Variants in PFKFB1 observed in about 807,000 individuals in gnomAD.
The protein encoded by PFKFB1 is 6-phosphofructo-2-kinase/fructose-2,6-bisphosphatase 1.
In PFKFB1, 34 loss-of-function variants were observed where a neutral mutation model predicts 46.4. The observed-to-expected ratio is 0.73, with a 90% CI of 0.56 to 0.98. The LOEUF (loss-of-function observed/expected upper bound fraction) is 0.98. Among genes scored for constraint, PFKFB1 ranks in the 50% least tolerant of loss-of-function variants. The probability of loss-of-function intolerance (pLI) is 0.00; values close to 1 mark genes in which losing one functional copy is unlikely to be tolerated. For missense variants in PFKFB1, 393 were observed against 376.3 expected, an observed-to-expected ratio of 1.04 and a Z score of -0.37; for synonymous variants, 119 against 133.8, an observed-to-expected ratio of 0.89 and a Z score of 0.76.
At chrX:54,939,432 CA>C (rs1933533050) in intron 10 of PFKFB1, among the ~76,000 whole-genome samples, 1 of 111,319 alleles carries the variant, frequency 9.0e-6, no homozygotes, top group Non-Finnish European at 1.9e-5. Flanking sequence ...AAAAACCCTT[CA>C]AAAAATCAAT....
intron 1 of PFKFB1, among the ~76,000 whole-genome samples, chrX:54,969,326 G>A (rs1934572101): frequency 9.0e-6 from 1 of 111,280 alleles, no homozygotes; most frequent in Admixed American, 9.6e-5. Context: ...GATAAGTTTG[G>A]CCCCCACACT....
At chrX:54,946,033 G>T (rs1413198565) in intron 9 of PFKFB1, among the ~76,000 whole-genome samples, 1 of 110,229 alleles carries the variant, frequency 9.1e-6, no homozygotes, top group African/African-American at 3.3e-5. Context: ...GTATGTGTGT[G>T]TATAGGGTGT....
intron 1 of PFKFB1, among the ~76,000 whole-genome samples, chrX:54,983,821 C>T (rs1422631743): frequency 1.8e-5 from 2 of 111,584 alleles, no homozygotes; most frequent in African/African-American, 6.5e-5. Flanking sequence ...GCAATCTCAC[C>T]AGTATCTGTT....
At chrX:54,970,615 C>T (rs867676198) in intron 1 of PFKFB1, among the ~76,000 whole-genome samples, 904 of 57,669 alleles carry the variant, frequency 0.016, 14 homozygotes, top group Non-Finnish European at 0.023. Context: ...AGATAGTTTA[C>T]TGAGAATGAT....
At position 54,949,169 on chromosome X, in the gene PFKFB1, T is replaced by G; in HGVS notation, c.899A>C (p.Lys300Thr). Residue 300 changes from lysine to threonine, a missense_variant, in exon 9 of 14, where the codon AAG becomes ACG. Coordinates refer to ENST00000375006, the MANE Select transcript of PFKFB1 (RefSeq NM_002625.4). ...FIQSQGISSL[K>T]VWTSHMKRTI... ...CCTCTTCATGTGACTGGTCCACACCTTCAGGGAGCTGATGCCCTGGGACTG... is the reference window on the plus strand; with the variant it reads ...CCTCTTCATGTGACTGGTCCACACCGTCAGGGAGCTGATGCCCTGGGACTG... 2 of 1,209,830 alleles carry G rather than the reference T, an allele frequency of 1.7e-6. No homozygotes were observed.
chrX:54,976,924 T>C (rs764014750), intron 1 of PFKFB1, among the ~76,000 whole-genome samples: 1 of 111,065 alleles, frequency 9.0e-6, no homozygotes, highest in Admixed American at 9.6e-5. Flanking sequence ...TATGACATCC[T>C]GGACAAGGCA....
chrX:54,933,476 G>A lies in PFKFB1; in HGVS notation c.1357-14C>T, dbSNP rs760130486. On this transcript the variant is annotated splice_polypyrimidine_tract_variant and intron_variant, in intron 13 of 13. Transcript: ENST00000375006. ...GATGTCCACATTCTGAGGAGAGAGC[G>A]CAGGATTAATAGGAAGGAGACAGCA... 77 of 1,187,541 alleles carry A rather than the reference G, an allele frequency of 6.5e-5. No individual in the cohort carries two copies. The Admixed American group carries it at 8.8e-4, about 14-fold the overall frequency.
chrX:54,964,282 C>G (rs754278092), intron 1 of PFKFB1, among the ~76,000 whole-genome samples: 1 of 111,197 alleles, frequency 9.0e-6, no homozygotes, highest in African/African-American at 3.3e-5. Context: ...GAGACTTAAT[C>G]AGCATAGCAT....
chrX:54,946,816 T>C lies in PFKFB1; in HGVS notation c.994-1273A>G, dbSNP rs141346798. Among the ~76,000 whole-genome samples the C allele has an allele frequency of 4.9e-3, 550 of 112,439 alleles. 4 individuals carry two copies. The highest frequency in any genetic ancestry group is 0.016 in the African/African-American group (498 of 30,955). On this transcript the variant is annotated intron_variant, in intron 9 of 13. Coordinates refer to ENST00000375006, the MANE Select transcript of PFKFB1 (RefSeq NM_002625.4). The stretch of plus-strand genomic sequence containing the variant: ...AGAAGTGTTTTGAATATTGGGAAAA[T>C]GTAAGTAAAACATACTAGTACAGAA...
intron 1 of PFKFB1, among the ~76,000 whole-genome samples, chrX:54,970,620 AATG>A (rs1184557555): frequency 1.8e-5 from 1 of 54,944 alleles, no homozygotes; most frequent in African/African-American, 7.3e-5. Flanking sequence ...GTTTACTGAG[AATG>A]ATGATTTCCA....
chrX:54,942,173 C>G (rs1349012514), intron 10 of PFKFB1, among the ~76,000 whole-genome samples: 1 of 110,986 alleles, frequency 9.0e-6, no homozygotes, highest in African/African-American at 3.3e-5. Flanking sequence ...TATTCTCGCT[C>G]ATAGGTGGGA....
upstream of PFKFB1, chrX:54,994,359 T>C (rs1466222065): frequency 1.7e-5 from 13 of 752,306 alleles, no homozygotes; most frequent in Non-Finnish European, 2.0e-5. Context: ...GTCTGACCAG[T>C]CACTTCCCTC....
chrX:54,985,805 A>T (rs1935099315), intron 1 of PFKFB1, among the ~76,000 whole-genome samples: 2 of 110,040 alleles, frequency 1.8e-5, no homozygotes, highest in African/African-American at 6.6e-5. Flanking sequence ...TTTATATCTC[A>T]TTGAAATTAA....
rs1027449859 is a variant in PFKFB1 at position 54,959,255 on chromosome X, C to G, written c.385-330G>C. On this transcript the variant is annotated intron_variant, in intron 4 of 13. Transcript: ENST00000375006. ...AAGTCACCGAGAGTTGCTGACAGAGCAGAGCTAGAACTGGTTCTCTCAATT... is the reference window on the plus strand; with the variant it reads ...AAGTCACCGAGAGTTGCTGACAGAGGAGAGCTAGAACTGGTTCTCTCAATT... Among the ~76,000 whole-genome samples, 3 of 109,986 alleles carry G rather than the reference C, an allele frequency of 2.7e-5. 1 individual carries two copies.
chrX:54,997,207 T>C (rs1935369973), upstream of PFKFB1, among the ~76,000 whole-genome samples: 1 of 111,843 alleles, frequency 8.9e-6, no homozygotes, highest in South Asian at 3.7e-4. Flanking sequence ...GTGCAGGGAA[T>C]TGGATGGGAG....
Position 54,994,188 on chromosome X carries a change from T to C in PFKFB1, c.-181A>G. ...CTTCAGTCCCCTCTCTTCTTTCCTC[T>C]GGTCCTAGCCTGCCTCTGCTCCTGT... On this transcript the variant is annotated 5_prime_UTR_variant, in exon 1 of 14. Transcript: ENST00000375006. 2 of 1,064,647 alleles carry C rather than the reference T, an allele frequency of 1.9e-6. No homozygotes were observed. The highest frequency in any genetic ancestry group is 2.4e-6 in the Non-Finnish European group (2 of 827,239). The allele number at this position is 1,064,647 out of a possible 1,213,427, so 87.7% of individuals were successfully genotyped here. A position where few individuals can be genotyped will look rare whatever the true frequency, so the allele number is the denominator to read the frequency against.
chrX:54,933,648 C>G (rs953716870), intron 13 of PFKFB1, among the ~76,000 whole-genome samples, 173 bp downstream of exon 13: 2 of 112,059 alleles, frequency 1.8e-5, no homozygotes, highest in African/African-American at 6.5e-5. Context: ...CCTTGCATCT[C>G]CATGGTGCCT....
chrX:54,960,789 A>T lies in PFKFB1; in HGVS notation c.317+35T>A, dbSNP rs186459430. The T allele has an allele frequency of 8.4e-6, 8 of 949,727 alleles. No homozygotes were observed. In the East Asian group the frequency reaches 2.3e-4, roughly 27 times the overall value. 78.3% of individuals were successfully genotyped at this position (949,727 alleles called of 1,213,427 possible). On this transcript the variant is annotated intron_variant, in intron 3 of 13. Coordinates refer to ENST00000375006, the MANE Select transcript of PFKFB1 (RefSeq NM_002625.4). ...TCTGAACAAGGGCCTTTCAGCCATG[A>T]GACAGCACAGGTTCCTAAAATATTG...
chrX:54,943,081 A>T (rs1050594273), intron 10 of PFKFB1, among the ~76,000 whole-genome samples: 38 of 111,979 alleles, frequency 3.4e-4, no homozygotes, highest in Admixed American at 3.2e-3. Context: ...TTTTAAAGAT[A>T]AATTGTCTGA....
Sources: gnomAD v4.1 joint callset for allele counts (sites outside exome capture counted in the v4.1 genomes callset) on GRCh38, gnomAD v4.1.1 for gene constraint, MANE v1.5 for transcripts, NCBI Gene and HGNC (gene_info 2026-07-23, HGNC 2026-07-21) for gene names.